GMDS: variants seen among roughly 807,000 people sequenced by gnomAD.
GMDS encodes the protein GDP-mannose 4,6-dehydratase, also known as GDP-mannose 4,6 dehydratase.
Under a neutral mutation model 49.9 loss-of-function variants are expected in GMDS, and 20 were observed. That is an observed-to-expected ratio of 0.40 (90% CI 0.28 to 0.58). GMDS has a LOEUF of 0.58. Among genes scored for constraint, GMDS ranks in the 20% least tolerant of loss-of-function variants. GMDS has a pLI of 0.42. For synonymous variants in GMDS, 177 were observed against 178.6 expected (o/e 0.99, Z 0.07); for missense variants, 362 against 481.4 (o/e 0.75, Z 2.32).
At chr6:1,963,424 T>A (rs71550101) in intron 4 of GMDS, among the ~76,000 whole-genome samples, 1 of 152,338 alleles carries the variant, frequency 6.6e-6, no homozygotes, top group Non-Finnish European at 1.5e-5. Context: ...TCTTTTGTTG[T>A]GTGTGCTTTC....
intron 4 of GMDS, among the ~76,000 whole-genome samples, chr6:2,000,925 A>G (rs1766777351): frequency 6.6e-6 from 1 of 152,158 alleles, no homozygotes; most frequent in Non-Finnish European, 1.5e-5. Context: ...TTGTTTCTAT[A>G]TTTTAGCTGC....
chr6:2,114,275 C>T (rs192169999), intron 4 of GMDS, among the ~76,000 whole-genome samples: 1 of 152,210 alleles, frequency 6.6e-6, no homozygotes. Context: ...ACAGAATGTT[C>T]ATTCCAAAAC....
intron 9 of GMDS, among the ~76,000 whole-genome samples, chr6:1,701,942 G>A (rs1277602169): frequency 6.6e-6 from 1 of 152,236 alleles, no homozygotes; most frequent in Non-Finnish European, 1.5e-5. Flanking sequence ...CAACACAGGA[G>A]TTTGCCTTTT....
intron 9 of GMDS, among the ~76,000 whole-genome samples, chr6:1,628,526 T>C (rs954702611): frequency 2.0e-5 from 3 of 152,252 alleles, no homozygotes; most frequent in Non-Finnish European, 4.4e-5. Flanking sequence ...TCATTTCATT[T>C]TCTCCCCTTT....
intron 8 of GMDS, among the ~76,000 whole-genome samples, chr6:1,742,024 C>T (rs189959694): frequency 4.0e-5 from 6 of 151,082 alleles, no homozygotes; most frequent in East Asian, 2.0e-4. Flanking sequence ...CGGGTTCAAG[C>T]GGTTCTCTTT....
At chr6:1,830,004 C>T (rs1581232040) in intron 7 of GMDS, among the ~76,000 whole-genome samples, 1 of 152,154 alleles carries the variant, frequency 6.6e-6, no homozygotes, top group East Asian at 1.9e-4. Context: ...GCTGTAATCA[C>T]TAGTTAACTT....
intron 7 of GMDS, among the ~76,000 whole-genome samples, chr6:1,751,987 A>T (rs2113523191): frequency 6.6e-6 from 1 of 152,310 alleles, no homozygotes; most frequent in East Asian, 1.9e-4. Context: ...CCTCCAAAGG[A>T]TCACAACTCC....
At chr6:2,198,776 C>T (rs964111597) in intron 1 of GMDS, among the ~76,000 whole-genome samples, 1 of 152,156 alleles carries the variant, frequency 6.6e-6, no homozygotes, top group East Asian at 1.9e-4. Context: ...TTTTGAAATG[C>T]ATGGTGTCTG....
chr6:2,189,557 T>C (rs546281288), intron 1 of GMDS, among the ~76,000 whole-genome samples: 1 of 152,352 alleles, frequency 6.6e-6, no homozygotes, highest in South Asian at 2.1e-4. Context: ...TCCTATGATT[T>C]AGAAGCCCAG....
intron 1 of GMDS, among the ~76,000 whole-genome samples, chr6:2,170,203 CAAA>C (rs34632162): frequency 1.6e-5 from 2 of 121,324 alleles, no homozygotes; most frequent in African/African-American, 2.8e-5. Context: ...AACTACATCT[CAAA>C]AAAAAAAAAA....
intron 4 of GMDS, among the ~76,000 whole-genome samples, chr6:2,011,456 A>G (rs894866133): frequency 3.3e-5 from 5 of 152,252 alleles, no homozygotes; most frequent in Non-Finnish European, 5.9e-5. Flanking sequence ...GTATCTATCC[A>G]GAGGAAAAGA....
rs150886207 is a variant in GMDS at position 1,730,589 on chromosome 6, C to A, written c.891-4077G>T. ...TACAGGCTCAGTGAAGAGTGGGTCA[C>A]CATGCTGAAGACAGAGGAAATTAGG... On this transcript the variant is annotated intron_variant, in intron 8 of 10. Coordinates refer to ENST00000380815, the MANE Select transcript of GMDS (RefSeq NM_001500.4). Among the ~76,000 whole-genome samples, 776 of 152,180 alleles carry A rather than the reference C, an allele frequency of 5.1e-3. 8 individuals are homozygous for A. Among genetic ancestry groups the A allele is most frequent in the African/African-American group, 0.018 (740 of 41,510 alleles).
At chr6:1,893,511 TG>T (rs1759994978) in intron 7 of GMDS, among the ~76,000 whole-genome samples, 1 of 152,238 alleles carries the variant, frequency 6.6e-6, no homozygotes, top group East Asian at 1.9e-4. Flanking sequence ...ACTGCTTTGC[TG>T]CCGCAACCTT....
At chr6:1,821,258 C>T (rs1288236745) in intron 7 of GMDS, among the ~76,000 whole-genome samples, 2 of 152,114 alleles carry the variant, frequency 1.3e-5, no homozygotes, top group Admixed American at 6.6e-5. Context: ...GAGTGGGTCT[C>T]CCGGAGGTTC....
chr6:2,111,352 A>G (rs1393419450), intron 4 of GMDS, among the ~76,000 whole-genome samples: 5 of 152,192 alleles, frequency 3.3e-5, no homozygotes, highest in African/African-American at 4.8e-5. Flanking sequence ...CATTTCAGTC[A>G]TCTCTCACTT....
chr6:1,946,090 T>G (rs1002423227), intron 6 of GMDS, among the ~76,000 whole-genome samples: 2 of 152,124 alleles, frequency 1.3e-5, no homozygotes, highest in African/African-American at 4.8e-5. Flanking sequence ...CTTTTCTCAC[T>G]AATTAAATTT....
intron 9 of GMDS, 127 bp downstream of exon 9, chr6:1,726,289 G>A (rs903880297): frequency 4.2e-5 from 28 of 669,674 alleles, no homozygotes; most frequent in Non-Finnish European, 3.3e-5. Flanking sequence ...TTTTGGAAAT[G>A]CACGCTGAAG....
intron 7 of GMDS, among the ~76,000 whole-genome samples, chr6:1,810,198 C>A (rs1474307332): frequency 6.6e-6 from 1 of 152,076 alleles, no homozygotes; most frequent in East Asian, 1.9e-4. Context: ...CAGAGCAGCC[C>A]CAGGTGTGGG....
intron 1 of GMDS, among the ~76,000 whole-genome samples, chr6:2,220,456 A>C (rs1203763614): frequency 2.0e-5 from 3 of 152,190 alleles, no homozygotes; most frequent in South Asian, 2.1e-4. Flanking sequence ...TAAGTGCTTT[A>C]ATGTGAATAG....
Sources: allele counts gnomAD v4.1 joint callset (sites outside exome capture counted in the v4.1 genomes callset), GRCh38; gene constraint gnomAD v4.1.1; transcripts MANE v1.5; gene names NCBI Gene and HGNC (gene_info 2026-07-23, HGNC 2026-07-21).